CCAR2: variants seen among roughly 807,000 people sequenced by gnomAD.
The protein encoded by CCAR2 is cell cycle and apoptosis regulator protein 2.
In CCAR2, 21 loss-of-function variants were observed where a neutral mutation model predicts 108.1. The observed-to-expected ratio is 0.19, with a 90% CI of 0.14 to 0.28. The LOEUF (loss-of-function observed/expected upper bound fraction) is 0.28. Ranked by LOEUF, CCAR2 falls within the 10% of genes least tolerant of loss-of-function variation. CCAR2 has a pLI of 1.00. For missense variants in CCAR2, 1,126 were observed against 1,177.0 expected, an observed-to-expected ratio of 0.96 and a Z score of 0.63; for synonymous variants, 577 against 472.8, an observed-to-expected ratio of 1.22 and a Z score of -2.86.
chr8:22,612,940 CAGTTCTT>C, intron 7 of CCAR2, 70 bp from the exon 8 acceptor site: 1 of 1,450,580 alleles, frequency 6.9e-7, no homozygotes, highest in Non-Finnish European at 9.3e-7. Flanking sequence ...CGATTGTTTC[CAGTTCTT>C]TTAGTTCAGT....
Position 22,614,373 on chromosome 8 carries a change from T to A in CCAR2, c.928-17T>A. 1.9e-6 allele frequency: 3 copies of A among 1,613,844 alleles called. No homozygotes were observed. The highest frequency in any genetic ancestry group is 2.5e-6 in the Non-Finnish European group (3 of 1,179,718). ...TCTGGAGGCTGAAGGCAGCTCTGAG[T>A]GTCTCCTCCTGCACAGGTACTGCTG... On this transcript the variant is annotated splice_polypyrimidine_tract_variant and intron_variant, in intron 9 of 20. Transcript: ENST00000308511.
intron 2 of CCAR2, 27 bp downstream of exon 2, chr8:22,605,858 T>A (rs1458363916): frequency 6.2e-7 from 1 of 1,607,728 alleles, no homozygotes; most frequent in Non-Finnish European, 8.5e-7. Flanking sequence ...CTACCTGGCC[T>A]CATCCTGGGA....
At position 22,615,930 on chromosome 8, in the gene CCAR2, T is replaced by G; in HGVS notation, c.1608+18T>G. 1 of 1,613,600 alleles carries G rather than the reference T, an allele frequency of 6.2e-7. No homozygotes were observed. Among genetic ancestry groups the G allele is most frequent in the Non-Finnish European group, 8.5e-7 (1 of 1,179,690 alleles). On this transcript the variant is annotated intron_variant, in intron 13 of 20. Coordinates refer to ENST00000308511, the MANE Select transcript of CCAR2 (RefSeq NM_001393997.1). Reference sequence around the variant, plus strand: ...CTTTTGAGGCAGGTGTCAAGAGTCTTGGGGAGGCTGTGGGCTGGGATTTGT... The same window carrying G: ...CTTTTGAGGCAGGTGTCAAGAGTCTGGGGGAGGCTGTGGGCTGGGATTTGT...
rs10543261 is a variant in CCAR2, at chr8:22,619,618, ACAT to A, written c.2728-15_2728-13del. The A allele has an allele frequency of 0.36, 563,442 of 1,562,128 alleles. 103,222 individuals carry two copies. Among genetic ancestry groups the A allele is most frequent in the African/African-American group, 0.47 (34,518 of 73,706 alleles). Reference sequence around the variant, plus strand: ...CACCTTGCCAGGCCCGATTCTGGGTACATCATCTGTTTCAAACAGGCTGACAGC... The same window carrying A: ...CACCTTGCCAGGCCCGATTCTGGGTACATCTGTTTCAAACAGGCTGACAGC... On this transcript the variant is annotated splice_polypyrimidine_tract_variant and intron_variant, in intron 20 of 20. Coordinates refer to ENST00000308511, the MANE Select transcript of CCAR2 (RefSeq NM_001393997.1).
intron 10 of CCAR2, 155 bp downstream of exon 10, chr8:22,614,658 C>A: frequency 9.8e-7 from 1 of 1,024,838 alleles, no homozygotes; most frequent in Non-Finnish European, 1.5e-6. Context: ...CAGCTCAGAG[C>A]TGTTACGACT....
rs7001453 is a variant in CCAR2, at chr8:22,615,437, C to A, written c.1218C>A (p.Ala406=). The change falls in exon 12 of 21, where the codon GCC becomes GCA. Residue 406 remains alanine (A), a synonymous_variant. Transcript: ENST00000308511. ...TTGCCATGTGCAGGTGGCGCTTTGC[C>A]GAGTTTCAGTACCTGCAGCCGGGAC... is the stretch of plus-strand genomic sequence containing the variant. The part of the protein sequence containing the change: ...LSGCTKWWRF[A]EFQYLQPGPP... 6.2e-7 allele frequency: 1 copy of A among 1,613,380 alleles called. No individual in the cohort carries two copies. Among genetic ancestry groups the A allele is most frequent in the Non-Finnish European group, 8.5e-7 (1 of 1,179,748 alleles).
chr8:22,618,207 T>C (rs1480484331), intron 16 of CCAR2, 142 bp from the exon 17 acceptor site: 7 of 1,099,106 alleles, frequency 6.4e-6, no homozygotes, highest in Admixed American at 5.6e-5. Flanking sequence ...TCTCCTGCCT[T>C]AGCCTCCCCA....
Position 22,617,441 on chromosome 8 carries a change from A to C in CCAR2, c.1867A>C (p.Lys623Gln), listed in dbSNP as rs759771982. Reference protein sequence around the residue: ...APLKEDGLLPKPLSSGGEEEE... With the variant: ...APLKEDGLLPQPLSSGGEEEE... ...GTAGAAGGAGGATGGGCTTTTGCCCAAACCACTCTCTTCTGGGGGAGAGGA... is the reference window on the plus strand; with the variant it reads ...GTAGAAGGAGGATGGGCTTTTGCCCCAACCACTCTCTTCTGGGGGAGAGGA... The change falls in exon 15 of 21, where the codon AAA becomes CAA. Residue 623 changes from lysine to glutamine, a missense_variant. Transcript: ENST00000308511. 1.9e-5 allele frequency: 29 copies of C among 1,566,722 alleles called. No homozygotes were observed. In the East Asian group the frequency reaches 6.5e-4, roughly 35 times the overall value.
rs1563915204 is a variant in CCAR2, at chr8:22,613,041, C to G, written c.609C>G (p.Arg203=). The change falls in exon 8 of 21, where the codon CGC becomes CGG. Residue 203 remains arginine (R), a synonymous_variant. Transcript: ENST00000308511. ...GRSDDYDSKK[R]KQRAGGEPWG... is the part of the protein sequence containing the mutation. ...GTGATGACTATGACTCCAAGAAACG[C>G]AAACAGCGGGCTGGTGGAGAGCCCT... is the stretch of plus-strand genomic sequence containing the variant. The G allele has an allele frequency of 1.2e-6, 2 of 1,612,958 alleles. No individual in the cohort carries two copies. The highest frequency in any genetic ancestry group is 8.5e-7 in the Non-Finnish European group (1 of 1,179,660).
At chr8:22,608,302 G>A (rs947814736) in intron 7 of CCAR2, among the ~76,000 whole-genome samples, 15 of 152,148 alleles carry the variant, frequency 9.9e-5, no homozygotes, top group Admixed American at 6.6e-4. Context: ...GGTTAAGCAA[G>A]CAGGGAGTTG....
At position 22,615,461 on chromosome 8, in the gene CCAR2, AC is replaced by A. The variant is rs756536005; in HGVS notation, c.1249del (p.Arg417GlyfsTer89). 6.2e-7 allele frequency: 1 copy of A among 1,613,226 alleles called. No homozygotes were observed. The highest frequency in any genetic ancestry group is 8.5e-7 in the Non-Finnish European group (1 of 1,179,800). ...FAEFQYLQPGPPRRLQTVVVY... is the reference protein window; with the variant it reads ...FAEFQYLQPGXPRRLQTVVVY... ...CCGAGTTTCAGTACCTGCAGCCGGG[AC>A]CCCCCCGGCGGCTTCAGACAGTGGT... is the stretch of plus-strand genomic sequence containing the variant. On this transcript the variant is annotated frameshift_variant, in exon 12 of 21. Coordinates refer to ENST00000308511, the MANE Select transcript of CCAR2 (RefSeq NM_001393997.1). LOFTEE classifies it high-confidence loss of function.
At chr8:22,621,326 C>G, downstream of CCAR2, 2 of 1,466,278 alleles carry the variant, frequency 1.4e-6, no homozygotes, top group Non-Finnish European at 9.1e-7. Flanking sequence ...AGGGCCACCT[C>G]TGTCCCCAGC....
chr8:22,610,134 G>T lies in CCAR2; in HGVS notation c.584+2069G>T, dbSNP rs188677451. On this transcript the variant is annotated intron_variant, in intron 7 of 20. Coordinates refer to ENST00000308511, the MANE Select transcript of CCAR2 (RefSeq NM_001393997.1). ...GGATACTCAACCTATACTACCATTG[G>T]GAGGGAGATATTATATTACCATTCG... Among the ~76,000 whole-genome samples the T allele has an allele frequency of 1.2e-4, 18 of 152,274 alleles. No homozygotes were observed. In the East Asian group the frequency reaches 3.5e-3, roughly 29 times the overall value.
At chr8:22,608,618 C>G (rs1276726949) in intron 7 of CCAR2, among the ~76,000 whole-genome samples, 1 of 152,174 alleles carries the variant, frequency 6.6e-6, no homozygotes, top group Admixed American at 6.5e-5. Context: ...TTAGGGTATC[C>G]TGGTGATGCT....
chr8:22,611,516 CTG>C (rs1221022933), intron 7 of CCAR2, among the ~76,000 whole-genome samples: 9 of 151,800 alleles, frequency 5.9e-5, no homozygotes, highest in South Asian at 2.1e-4. Context: ...TTAAAGGTAA[CTG>C]TTGTTAACAG....
Position 22,608,803 on chromosome 8 carries a change from T to C in CCAR2, c.584+738T>C, listed in dbSNP as rs565204499. Among the ~76,000 whole-genome samples the C allele has an allele frequency of 2.6e-4, 39 of 152,350 alleles. 2 individuals are homozygous for C. The South Asian group carries it at 7.5e-3, about 29-fold the overall frequency. On this transcript the variant is annotated intron_variant, in intron 7 of 20. Transcript: ENST00000308511. ...TAGTTCTGTCTTCATTTTAAACTTG[T>C]TATAATGGAGAATTTCACTATATGC...
At position 22,615,808 on chromosome 8, in the gene CCAR2, C is replaced by T. The variant is rs201751211; in HGVS notation, c.1504C>T (p.Pro502Ser). 1 of 1,614,008 alleles carries T rather than the reference C, an allele frequency of 6.2e-7. No homozygotes were observed. Among genetic ancestry groups the T allele is most frequent in the Non-Finnish European group, 8.5e-7 (1 of 1,180,036 alleles). The change falls in exon 13 of 21, where the codon CCA becomes TCA. Residue 502 changes from proline to serine, a missense_variant. By Grantham distance (74) the Pro-to-Ser change is moderately conservative. This residue lies in a region of CCAR2 where 1,013 missense variants were observed against 993.9 expected (regional missense o/e 1.02). Transcript: ENST00000308511. ...GGACACTGATCTCCCAGAGGCCCCT[C>T]CACCCCCCCTAGAACCTGCTGTCAT... ...ETDTDLPEAP[P>S]PPLEPAVIAR... is the part of the protein sequence containing the mutation.
At position 22,608,010 on chromosome 8, in the gene CCAR2, C is replaced by T. The variant is rs1801144088; in HGVS notation, c.529C>T (p.His177Tyr). The T allele has an allele frequency of 6.2e-7, 1 of 1,614,068 alleles. No homozygotes were observed. Among genetic ancestry groups the T allele is most frequent in the Non-Finnish European group, 8.5e-7 (1 of 1,180,006 alleles). ...FQTSHTLHLS[H>Y]LNRFPARGPH... is the part of the protein sequence containing the mutation. ...AACATCCCACACACTTCACCTGAGC[C>T]ACCTGAACAGATTTCCTGCCCGGGG... is the stretch of plus-strand genomic sequence containing the variant. Residue 177 changes from histidine to tyrosine, a missense_variant, in exon 7 of 21, where the codon CAC becomes TAC. By Grantham distance (83) the His-to-Tyr change is moderately conservative. Around this residue, in one of 4 missense-constraint regions of CCAR2, gnomAD observed 1,013 missense variants for 993.9 expected, o/e 1.02. Transcript: ENST00000308511.
intron 7 of CCAR2, among the ~76,000 whole-genome samples, chr8:22,611,406 A>ATGTATG (rs1801274189): frequency 6.5e-5 from 2 of 30,568 alleles, no homozygotes; most frequent in African/African-American, 2.3e-4. Flanking sequence ...GTGTGTGTGT[A>ATGTATG]TGTGTGTGTA....
Sources: allele counts gnomAD v4.1 joint callset (sites outside exome capture counted in the v4.1 genomes callset), GRCh38; gene constraint gnomAD v4.1.1; regional missense constraint gnomAD v4.1.1; transcripts MANE v1.5; gene names NCBI Gene and HGNC (gene_info 2026-07-23, HGNC 2026-07-21).